GPM6A: variants seen among roughly 807,000 people sequenced by gnomAD.
The protein encoded by GPM6A is neuronal membrane glycoprotein M6-a.
Under a neutral mutation model 32.1 loss-of-function variants are expected in GPM6A, and 7 were observed. The ratio of observed to expected loss-of-function variants is 0.22; its 90% CI spans 0.12 to 0.41. GPM6A has a LOEUF of 0.41. Among genes scored for constraint, GPM6A ranks in the 10% least tolerant of loss-of-function variants. GPM6A has a pLI of 1.00. For missense variants in GPM6A, 235 were observed against 347.2 expected (o/e 0.68, Z 2.57); for synonymous variants, 130 against 123.4 (o/e 1.05, Z -0.35).
chr4:175,745,283 T>A lies in GPM6A; in HGVS notation c.38-43516A>T, dbSNP rs73006346. The stretch of plus-strand genomic sequence containing the variant: ...GGTTCATTTTGGAGACCTGAGAATA[T>A]TATTCAGCAGTAGCTTAACAAATTT... On this transcript the variant is annotated intron_variant, in intron 1 of 6. Coordinates refer to ENST00000393658, the MANE Select transcript of GPM6A (RefSeq NM_201591.3). Among the ~76,000 whole-genome samples, 428 of 152,318 alleles carry A rather than the reference T, an allele frequency of 2.8e-3. 3 individuals are homozygous for A. Among genetic ancestry groups the A allele is most frequent in the African/African-American group, 9.6e-3 (400 of 41,574 alleles).
Position 175,731,336 on chromosome 4 carries a change from A to G in GPM6A, c.38-29569T>C, listed in dbSNP as rs183706328. Among the ~76,000 whole-genome samples the G allele has an allele frequency of 3.0e-3, 454 of 151,900 alleles. 5 individuals are homozygous for G. Among genetic ancestry groups the G allele is most frequent in the African/African-American group, 1.0e-2 (414 of 41,440 alleles). On this transcript the variant is annotated intron_variant, in intron 1 of 6. Transcript: ENST00000393658. ...TGCCTGCAATGCGCTCCCAAACCAC[A>G]CCTCCGCCACACCTTCATTTTCACT... is the stretch of plus-strand genomic sequence containing the variant.
intron 1 of GPM6A, among the ~76,000 whole-genome samples, chr4:175,999,255 C>T (rs962988303): frequency 1.2e-4 from 18 of 152,308 alleles, no homozygotes; most frequent in Admixed American, 5.9e-4. Context: ...ATATTCCTGA[C>T]CTATCTTTCC....
intron 1 of GPM6A, among the ~76,000 whole-genome samples, chr4:175,932,058 G>A (rs1400654456): frequency 6.8e-6 from 1 of 147,438 alleles, no homozygotes; most frequent in Non-Finnish European, 1.5e-5. Flanking sequence ...TTGTGCCACT[G>A]CACTCCAGCC....
intron 4 of GPM6A, among the ~76,000 whole-genome samples, chr4:175,646,922 T>A (rs1326871192): frequency 6.6e-6 from 1 of 152,238 alleles, no homozygotes; most frequent in Non-Finnish European, 1.5e-5. Flanking sequence ...GATTTGAGAC[T>A]GATCTCCCAT....
At chr4:175,664,127 T>C (rs1484127037) in intron 3 of GPM6A, among the ~76,000 whole-genome samples, 1 of 152,170 alleles carries the variant, frequency 6.6e-6, no homozygotes, top group Non-Finnish European at 1.5e-5. Context: ...CAACTATGAC[T>C]TTCTGGGAAA....
chr4:175,638,824 T>A (rs1302260399), intron 6 of GPM6A, among the ~76,000 whole-genome samples: 1 of 152,162 alleles, frequency 6.6e-6, no homozygotes, highest in Non-Finnish European at 1.5e-5. Flanking sequence ...GGTACATATG[T>A]TTCCTCTGAT....
intron 4 of GPM6A, among the ~76,000 whole-genome samples, chr4:175,650,480 T>G (rs1156782570): frequency 2.0e-5 from 3 of 151,968 alleles, no homozygotes; most frequent in Non-Finnish European, 2.9e-5. Flanking sequence ...AATTTTTTAA[T>G]TTTTAGTACA....
chr4:175,799,698 C>T (rs1244102478), intron 1 of GPM6A, among the ~76,000 whole-genome samples: 1 of 79,804 alleles, frequency 1.3e-5, no homozygotes, highest in African/African-American at 3.7e-5. Context: ...GACGGAGTCT[C>T]GCTCTGTCGC....
chr4:175,889,831 CA>C (rs905350786), intron 1 of GPM6A, among the ~76,000 whole-genome samples: 1 of 146,962 alleles, frequency 6.8e-6, no homozygotes, highest in African/African-American at 2.5e-5. Flanking sequence ...CAAAACAAAA[CA>C]AAAAAGAAAG....
At chr4:175,766,143 T>C (rs1347220076) in intron 1 of GPM6A, among the ~76,000 whole-genome samples, 6 of 152,224 alleles carry the variant, frequency 3.9e-5, no homozygotes, top group Admixed American at 3.9e-4. Flanking sequence ...CAGTAAGAGA[T>C]AAATATTCTT....
intron 1 of GPM6A, among the ~76,000 whole-genome samples, chr4:175,933,664 TC>T: frequency 6.6e-6 from 1 of 152,264 alleles, no homozygotes; most frequent in South Asian, 2.1e-4. Flanking sequence ...TGCCTCAGCC[TC>T]CCGAATAGCT....
intron 1 of GPM6A, among the ~76,000 whole-genome samples, chr4:175,789,025 G>A (rs182438854): frequency 2.4e-4 from 36 of 152,230 alleles, no homozygotes; most frequent in Non-Finnish European, 4.3e-4. Flanking sequence ...AGTGTACTTG[G>A]TAGTGGGATT....
rs561064393 is a variant in GPM6A at position 175,634,819 on chromosome 4, G to A, written c.*86C>T. ...CATATCATTGATGAGAAGCACTTTC[G>A]TTTTGTTTTTTAAAGGTTGGATGGT... On this transcript the variant is annotated 3_prime_UTR_variant, in exon 7 of 7. Coordinates refer to ENST00000393658, the MANE Select transcript of GPM6A (RefSeq NM_201591.3). 18 of 1,086,816 alleles carry A rather than the reference G, an allele frequency of 1.7e-5. No individual in the cohort carries two copies. The highest frequency in any genetic ancestry group is 2.0e-4 in the Middle Eastern group (1 of 4,898). The allele number at this position is 1,086,816 out of a possible 1,614,324, so 67.3% of individuals were successfully genotyped here. A position where few individuals can be genotyped will look rare whatever the true frequency, so the allele number is the denominator to read the frequency against.
chr4:175,750,474 T>C (rs1312999223), intron 1 of GPM6A, among the ~76,000 whole-genome samples: 1 of 151,914 alleles, frequency 6.6e-6, no homozygotes, highest in Admixed American at 6.6e-5. Flanking sequence ...AAGTAGAGGA[T>C]TTCCTGAGAG....
intron 1 of GPM6A, among the ~76,000 whole-genome samples, chr4:175,741,205 A>G (rs1731875518): frequency 6.6e-6 from 1 of 152,002 alleles, no homozygotes; most frequent in African/African-American, 2.4e-5. Context: ...ACAATACCAC[A>G]CATAAGAAAT....
intron 1 of GPM6A, chr4:175,907,381 G>A (rs1039900942): frequency 6.6e-6 from 1 of 152,112 alleles, no homozygotes; most frequent in African/African-American, 2.4e-5. Context: ...AACCGCATCT[G>A]TTTGAAGTAG....
intron 2 of GPM6A, among the ~76,000 whole-genome samples, chr4:175,674,226 G>T (rs1274289429): frequency 2.0e-5 from 3 of 152,166 alleles, no homozygotes; most frequent in Non-Finnish European, 4.4e-5. Flanking sequence ...TGCCCAGTCT[G>T]GAGTACAGTG....
chr4:175,995,289 T>C (rs987338684), intron 1 of GPM6A, among the ~76,000 whole-genome samples: 6 of 151,152 alleles, frequency 4.0e-5, no homozygotes, highest in African/African-American at 1.5e-4. Flanking sequence ...GAGGAATCAC[T>C]ATGTATGGCA....
chr4:175,653,359 CAT>C (rs1303106867), intron 3 of GPM6A, among the ~76,000 whole-genome samples: 1 of 152,098 alleles, frequency 6.6e-6, no homozygotes, highest in Admixed American at 6.6e-5. Flanking sequence ...TTCTCAAACA[CAT>C]GTTTTCTAAT....
Sources: gnomAD v4.1 joint callset for allele counts (sites outside exome capture counted in the v4.1 genomes callset) on GRCh38, gnomAD v4.1.1 for gene constraint, MANE v1.5 for transcripts, NCBI Gene and HGNC (gene_info 2026-07-23, HGNC 2026-07-21) for gene names.